Variants in TDRD3 observed in about 807,000 individuals in gnomAD.
TDRD3 encodes the protein tudor domain containing 3.
A neutral mutation model predicts 86.7 loss-of-function variants in TDRD3; 45 were observed. That is an observed-to-expected ratio of 0.52 (90% CI 0.41 to 0.67). TDRD3 has a LOEUF of 0.67. TDRD3 is among the 30% of genes least tolerant of loss of function. The pLI is 0.00. For synonymous variants in TDRD3, 298 were observed against 301.7 expected (o/e 0.99, Z 0.13); for missense variants, 814 against 889.0 (o/e 0.92, Z 1.07).
chr13:60,492,951 C>T (rs1424282816), intron 7 of TDRD3, among the ~76,000 whole-genome samples: 1 of 134,400 alleles, frequency 7.4e-6, no homozygotes, highest in Non-Finnish European at 1.5e-5. Context: ...CGGAGTCTCG[C>T]TGTATCTCCC....
intron 12 of TDRD3, among the ~76,000 whole-genome samples, chr13:60,559,809 T>C (rs1421502686): frequency 6.6e-6 from 1 of 152,172 alleles, no homozygotes; most frequent in Non-Finnish European, 1.5e-5. Flanking sequence ...TTCTGAAGAT[T>C]TAATGTACAA....
chr13:60,481,623 T>C (rs1956320076), intron 5 of TDRD3, among the ~76,000 whole-genome samples: 1 of 152,114 alleles, frequency 6.6e-6, no homozygotes, highest in African/African-American at 2.4e-5. Context: ...TATTTTTCTT[T>C]ACTAGTTGAA....
At chr13:60,547,157 T>C in intron 12 of TDRD3, 1 of 519,324 alleles carries the variant, frequency 1.9e-6, no homozygotes, top group South Asian at 8.3e-5. Context: ...TACTTTGAGG[T>C]TGCAATGAAT....
Position 60,425,722 on chromosome 13 carries a change from A to G in TDRD3, c.42-13966A>G, listed in dbSNP as rs200580339. Among the ~76,000 whole-genome samples, 6 of 152,190 alleles carry G rather than the reference A, an allele frequency of 3.9e-5. No individual in the cohort carries two copies. The East Asian group carries it at 9.7e-4, about 24-fold the overall frequency. ...TATACGTGGATTTTCTTTGATTTCT[A>G]CCATGCCACCACTGAGACAGCAAGA... On this transcript the variant is annotated intron_variant, in intron 1 of 13. Transcript: ENST00000377881.
At chr13:60,492,045 C>T (rs374228745) in intron 7 of TDRD3, among the ~76,000 whole-genome samples, 26 of 152,138 alleles carry the variant, frequency 1.7e-4, no homozygotes, top group African/African-American at 6.3e-4. Flanking sequence ...CACCAGTTAC[C>T]TTATGGGTAA....
At chr13:60,569,561 A>G (rs1958536308) in intron 13 of TDRD3, among the ~76,000 whole-genome samples, 1 of 152,114 alleles carries the variant, frequency 6.6e-6, no homozygotes, top group Non-Finnish European at 1.5e-5. Context: ...CTTCATATAA[A>G]TAGAAAAAAT....
At chr13:60,472,783 G>A (rs1397287239) in intron 5 of TDRD3, among the ~76,000 whole-genome samples, 1 of 152,180 alleles carries the variant, frequency 6.6e-6, no homozygotes, top group Non-Finnish European at 1.5e-5. Context: ...CAAATACTGT[G>A]TGATTCTACT....
chr13:60,407,049 G>A (rs541023304), intron 1 of TDRD3, among the ~76,000 whole-genome samples: 1 of 152,260 alleles, frequency 6.6e-6, no homozygotes, highest in East Asian at 1.9e-4. Flanking sequence ...AGTATTGATG[G>A]AAAAACTTGC....
chr13:60,529,211 C>T lies in TDRD3; in HGVS notation c.1986C>T (p.Asp662=). Residue 662 remains aspartate, a synonymous_variant, in exon 11 of 14, where the codon GAC becomes GAT. Coordinates refer to ENST00000377881, the MANE Select transcript of TDRD3 (RefSeq NM_001146070.2). The part of the protein sequence containing the change: ...GDECFALYWE[D]NKFYRAEVEA... Reference sequence around the variant, plus strand: ...AATGTTTTGCACTTTATTGGGAAGACAACAAGGTATGGATGCTTTAAAGAT... The same window carrying T: ...AATGTTTTGCACTTTATTGGGAAGATAACAAGGTATGGATGCTTTAAAGAT... 6.3e-7 allele frequency: 1 copy of T among 1,593,598 alleles called. No individual in the cohort carries two copies. The highest frequency in any genetic ancestry group is 2.2e-5 in the East Asian group (1 of 44,728).
intron 7 of TDRD3, among the ~76,000 whole-genome samples, chr13:60,491,593 T>C (rs958747215): frequency 1.3e-5 from 2 of 152,122 alleles, no homozygotes; most frequent in Non-Finnish European, 2.9e-5. Flanking sequence ...TCAAAGGCAA[T>C]TGAAAAGTTA....
intron 5 of TDRD3, among the ~76,000 whole-genome samples, chr13:60,473,081 C>T (rs1169141229): frequency 6.6e-6 from 1 of 152,176 alleles, no homozygotes; most frequent in Admixed American, 6.5e-5. Context: ...ATTTATTTCT[C>T]ACAGTTCCAG....
intron 5 of TDRD3, among the ~76,000 whole-genome samples, chr13:60,478,963 C>A (rs1204587692): frequency 6.6e-6 from 1 of 151,850 alleles, no homozygotes; most frequent in Non-Finnish European, 1.5e-5. Context: ...ACCACCATGC[C>A]TAGCTGATTT....
rs140313332 is a variant in TDRD3, at chr13:60,533,698, A to G, written c.1993-1410A>G. On this transcript the variant is annotated intron_variant, in intron 11 of 13. Coordinates refer to ENST00000377881, the MANE Select transcript of TDRD3 (RefSeq NM_001146070.2). ...GTGTTATACTGTAATAGAGTATTCA[A>G]ATACCCTAGCTTGAAGAAAACATTA... Among the ~76,000 whole-genome samples, 758 of 152,284 alleles carry G rather than the reference A, an allele frequency of 5.0e-3. 3 individuals carry two copies. The highest frequency in any genetic ancestry group is 0.024 in the Middle Eastern group (7 of 294).
At chr13:60,504,486 A>G (rs1956894452) in intron 8 of TDRD3, among the ~76,000 whole-genome samples, 1 of 152,244 alleles carries the variant, frequency 6.6e-6, no homozygotes, top group African/African-American at 2.4e-5. Context: ...CAAACCTAGT[A>G]TCTGACTTGT....
At chr13:60,425,377 G>A (rs1347731727) in intron 1 of TDRD3, among the ~76,000 whole-genome samples, 1 of 152,060 alleles carries the variant, frequency 6.6e-6, no homozygotes, top group Non-Finnish European at 1.5e-5. Flanking sequence ...TGTTGGCAGG[G>A]GTGTGGAGAA....
intron 12 of TDRD3, among the ~76,000 whole-genome samples, chr13:60,553,490 T>C (rs1471525207): frequency 6.6e-6 from 1 of 152,018 alleles, no homozygotes; most frequent in Non-Finnish European, 1.5e-5. Context: ...ACCAATTCTC[T>C]GTATTAGTCC....
chr13:60,473,988 A>C (rs549656312), intron 5 of TDRD3, among the ~76,000 whole-genome samples: 1 of 152,216 alleles, frequency 6.6e-6, no homozygotes, highest in South Asian at 2.1e-4. Flanking sequence ...GGCCTGACTG[A>C]TGGCAGGCTT....
At chr13:60,500,823 A>T (rs927763269) in intron 8 of TDRD3, among the ~76,000 whole-genome samples, 1 of 152,222 alleles carries the variant, frequency 6.6e-6, no homozygotes, top group Non-Finnish European at 1.5e-5. Flanking sequence ...TGTGAGTGCT[A>T]ATCAATGGGT....
intron 5 of TDRD3, among the ~76,000 whole-genome samples, chr13:60,474,554 C>T (rs1956144656): frequency 2.0e-5 from 3 of 152,202 alleles, no homozygotes; most frequent in Non-Finnish European, 4.4e-5. Flanking sequence ...GTACCCTTGA[C>T]TTCTTTCTTT....
Sources: gnomAD v4.1 joint callset for allele counts (sites outside exome capture counted in the v4.1 genomes callset) on GRCh38, gnomAD v4.1.1 for gene constraint, MANE v1.5 for transcripts, NCBI Gene and HGNC (gene_info 2026-07-23, HGNC 2026-07-21) for gene names.